PPP2R5B: variants seen among roughly 807,000 people sequenced by gnomAD.
The protein encoded by PPP2R5B is protein phosphatase 2 regulatory subunit B'beta.
PPP2R5B carries 19 observed loss-of-function variants against 59.9 expected under a neutral mutation model. The observed-to-expected ratio is 0.32, with a 90% CI of 0.22 to 0.47. The LOEUF (loss-of-function observed/expected upper bound fraction) is 0.47. Among genes scored for constraint, PPP2R5B ranks in the 20% least tolerant of loss-of-function variants. The pLI, the probability that PPP2R5B is intolerant of heterozygous loss-of-function variation, is 1.00. For missense variants in PPP2R5B, 441 were observed against 640.2 expected, an observed-to-expected ratio of 0.69 and a Z score of 3.36; for synonymous variants, 286 against 260.5, an observed-to-expected ratio of 1.10 and a Z score of -0.94.
chr11:64,930,633 G>A lies in PPP2R5B; in HGVS notation c.891+44G>A, dbSNP rs370655805. The stretch of plus-strand genomic sequence containing the variant: ...CCTGCTGCAGCAGGAGCTCCAGACA[G>A]TCAGGGCAGCCAGTGGGTCCTGGAG... On this transcript the variant is annotated intron_variant, in intron 8 of 13. Coordinates refer to ENST00000164133, the MANE Select transcript of PPP2R5B (RefSeq NM_006244.4). The A allele has an allele frequency of 1.9e-6, 3 of 1,548,152 alleles. No homozygotes were observed. The African/African-American group carries it at 4.1e-5, about 21-fold the overall frequency.
chr11:64,926,990 GAGAA>G (rs1945172086), intron 3 of PPP2R5B, 82 bp downstream of exon 3: 27 of 1,490,136 alleles, frequency 1.8e-5, no homozygotes, highest in Non-Finnish European at 2.4e-5. Context: ...CCCCTGCGTG[GAGAA>G]TAACCCTGTA....
In PPP2R5B at chr11:64,931,570, G is replaced by A. The variant is rs111449778; in HGVS notation, c.957G>A (p.Gly319=). The A allele has an allele frequency of 4.0e-4, 639 of 1,614,020 alleles. 3 individuals carry two copies. In the African/African-American group the frequency reaches 7.6e-3, roughly 19 times the overall value. ...CTCATCTCCCACAGGTGATCCGGGG[G>A]CTGCTCAAATACTGGCCAAAAACCT... ...DATLTEHVIR[G]LLKYWPKTCT... is the part of the protein sequence containing the mutation. Residue 319 remains glycine (G), a synonymous_variant, in exon 10 of 14, where the codon GGG becomes GGA. Coordinates refer to ENST00000164133, the MANE Select transcript of PPP2R5B (RefSeq NM_006244.4). The surrounding 1 kb of genome is among the most constrained non-coding windows in gnomAD (Gnocchi z 5.0).
At position 64,925,617 on chromosome 11, in the gene PPP2R5B, C is replaced by CT. The variant is rs1945152189; in HGVS notation, c.-118_-117insT. ...GGGGGCCCAGGACTGTGGTTGTGCC[C>CT]CCCCCCCAAAGGCCGGACAGGATGG... On this transcript the variant is annotated 5_prime_UTR_variant, in exon 2 of 14. Transcript: ENST00000164133. This position sits in a 1 kb window ranked among gnomAD's most constrained non-coding sequence, Gnocchi z 4.6. The CT allele has an allele frequency of 1.8e-6, 1 of 551,740 alleles. No individual in the cohort carries two copies. The highest frequency in any genetic ancestry group is 3.1e-5 in the Admixed American group (1 of 31,970). The allele number at this position is 551,740 out of a possible 1,614,324, so 34.2% of individuals were successfully genotyped here. A position where few individuals can be genotyped will look rare whatever the true frequency, so the allele number is the denominator to read the frequency against.
chr11:64,925,654 T>A lies in PPP2R5B; in HGVS notation c.-81T>A, dbSNP rs546074638. ...GCCGGACAGGATGGGACCAAGTTAG[T>A]CTGTCCAGTCTCACCCAGCACCTCC... is the stretch of plus-strand genomic sequence containing the variant. On this transcript the variant is annotated 5_prime_UTR_variant, in exon 2 of 14. Transcript: ENST00000164133. This position sits in a 1 kb window ranked among gnomAD's most constrained non-coding sequence, Gnocchi z 4.6. 3.3e-5 allele frequency: 19 copies of A among 570,478 alleles called. No homozygotes were observed. The South Asian group carries it at 3.3e-4, about 10-fold the overall frequency. 35.3% of individuals were successfully genotyped at this position (570,478 alleles called of 1,614,324 possible). A position where few individuals can be genotyped will look rare whatever the true frequency, so the allele number is the denominator to read the frequency against.
intron 2 of PPP2R5B, 129 bp downstream of exon 2, chr11:64,926,062 C>A (rs546135509): frequency 4.1e-6 from 4 of 974,664 alleles, no homozygotes; most frequent in Non-Finnish European, 6.0e-6. Context: ...CTAGGTTCTC[C>A]GCCATCAGAA....
chr11:64,925,529 G>C lies in PPP2R5B; in HGVS notation c.-206G>C, dbSNP rs1945150084. 2 of 550,020 alleles carry C rather than the reference G, an allele frequency of 3.6e-6. No homozygotes were observed. The highest frequency in any genetic ancestry group is 3.4e-5 in the Admixed American group (1 of 29,594). The allele number at this position is 550,020 out of a possible 1,614,324, so 34.1% of individuals were successfully genotyped here. Reference sequence around the variant, plus strand: ...GACCCCCAGGAAGGATCTGAGGCCTGAGCCATCCTCCTTTCTACCCTGTCT... The same window carrying C: ...GACCCCCAGGAAGGATCTGAGGCCTCAGCCATCCTCCTTTCTACCCTGTCT... On this transcript the variant is annotated 5_prime_UTR_variant, in exon 2 of 14. Transcript: ENST00000164133. This position sits in a 1 kb window ranked among gnomAD's most constrained non-coding sequence, Gnocchi z 4.6.
chr11:64,925,010 A>C lies in PPP2R5B; in HGVS notation c.-283A>C, dbSNP rs887893079. The C allele has an allele frequency of 6.6e-6, 1 of 152,182 alleles. No homozygotes were observed. Among genetic ancestry groups the C allele is most frequent in the Non-Finnish European group, 1.5e-5 (1 of 68,044 alleles). 9.4% of individuals were successfully genotyped at this position (152,182 alleles called of 1,614,324 possible). On this transcript the variant is annotated 5_prime_UTR_variant, in exon 1 of 14. Transcript: ENST00000164133. The surrounding 1 kb of genome is among the most constrained non-coding windows in gnomAD (Gnocchi z 4.6). ...GGCAGCCCCCGGGGGTTGGCGACCG[A>C]AGTCTAGGTTTTCGAGAAGTGAGTG...
Position 64,925,970 on chromosome 11 carries a change from C to T in PPP2R5B, c.199+37C>T. The T allele has an allele frequency of 6.3e-7, 1 of 1,587,906 alleles. No individual in the cohort carries two copies. The highest frequency in any genetic ancestry group is 8.6e-7 in the Non-Finnish European group (1 of 1,165,476). On this transcript the variant is annotated intron_variant, in intron 2 of 13. Transcript: ENST00000164133. This position sits in a 1 kb window ranked among gnomAD's most constrained non-coding sequence, Gnocchi z 4.6. ...GCTGGCCACTGGGGGAACCGAACCCCCGAGGGGACCAGCAGGGCCATGGGG... is the reference window on the plus strand; with the variant it reads ...GCTGGCCACTGGGGGAACCGAACCCTCGAGGGGACCAGCAGGGCCATGGGG...
chr11:64,931,043 T>TA lies in PPP2R5B; in HGVS notation c.892-385dup, dbSNP rs983509833. 1.4e-4 allele frequency among the ~76,000 whole-genome samples: 21 copies of TA among 152,002 alleles called. No homozygotes were observed. The highest frequency in any genetic ancestry group is 4.4e-4 in the African/African-American group (18 of 41,356). On this transcript the variant is annotated intron_variant, in intron 8 of 13. Transcript: ENST00000164133. The surrounding 1 kb of genome is among the most constrained non-coding windows in gnomAD (Gnocchi z 5.0). Reference sequence around the variant, plus strand: ...TGTATGTGCCACATGCCTGGCTAATTAAAAAAAATTTTTTTTTTGTAGAGA... The same window carrying TA: ...TGTATGTGCCACATGCCTGGCTAATTAAAAAAAAATTTTTTTTTTGTAGAGA...
intron 1 of PPP2R5B, among the ~76,000 whole-genome samples, chr11:64,919,671 G>A (rs1021219446): frequency 6.6e-6 from 1 of 152,064 alleles, no homozygotes; most frequent in Non-Finnish European, 1.5e-5. Flanking sequence ...GTGAAGCTAT[G>A]AATGCACCAC....
chr11:64,930,998 C>T (rs920613947), intron 8 of PPP2R5B, among the ~76,000 whole-genome samples: 9 of 152,020 alleles, frequency 5.9e-5, no homozygotes, highest in East Asian at 5.8e-4. Flanking sequence ...CTCAGCCTCC[C>T]GAGTAGCTGG....
intron 12 of PPP2R5B, 42 bp from the exon 13 acceptor site, chr11:64,933,103 C>A (rs1945245274): frequency 1.3e-6 from 2 of 1,557,472 alleles, no homozygotes; most frequent in Non-Finnish European, 1.8e-6. Context: ...GTGGGCAAAC[C>A]AAAGCTGTTT....
Position 64,930,559 on chromosome 11 carries a change from T to C in PPP2R5B, c.861T>C (p.Ser287=), listed in dbSNP as rs749022014. ...TTCGCGTCCTGATCCCCCTGCACTC[T>C]GTCAAGTCGCTGTCTGTCTTCCATG... ...FLVRVLIPLH[S]VKSLSVFHAQ... The change falls in exon 8 of 14, where the codon TCT becomes TCC. Residue 287 remains serine, a synonymous_variant. Transcript: ENST00000164133. 6 of 1,614,176 alleles carry C rather than the reference T, an allele frequency of 3.7e-6. No individual in the cohort carries two copies. The highest frequency in any genetic ancestry group is 4.2e-6 in the Non-Finnish European group (5 of 1,180,018).
rs772235916 is a variant in PPP2R5B at position 64,930,305 on chromosome 11, G to T, written c.723-17G>T. ...TACCCTGCTTGCTTTGAGCCCACCT[G>T]CGTTCTTCTCTTGCAGGTTCATCTA... is the stretch of plus-strand genomic sequence containing the variant. On this transcript the variant is annotated splice_polypyrimidine_tract_variant and intron_variant, in intron 6 of 13. Transcript: ENST00000164133. 1 of 1,613,912 alleles carries T rather than the reference G, an allele frequency of 6.2e-7. No individual in the cohort carries two copies. Among genetic ancestry groups the T allele is most frequent in the Non-Finnish European group, 8.5e-7 (1 of 1,179,940 alleles).
At chr11:64,919,483 A>G (rs763742418) in intron 1 of PPP2R5B, among the ~76,000 whole-genome samples, 8 of 152,128 alleles carry the variant, frequency 5.3e-5, no homozygotes, top group Non-Finnish European at 8.8e-5. Context: ...TCACTCCTGT[A>G]ATCCCAGCAC....
chr11:64,927,144 C>T (rs1945174732), intron 3 of PPP2R5B, among the ~76,000 whole-genome samples: 1 of 152,190 alleles, frequency 6.6e-6, no homozygotes, highest in Admixed American at 6.5e-5. Flanking sequence ...TGCCCCACAC[C>T]CCATACCATC....
chr11:64,924,676 G>T (rs1945139564), upstream of PPP2R5B: 2 of 152,310 alleles, frequency 1.3e-5, no homozygotes, highest in East Asian at 1.9e-4. Context: ...GGCCGGGTGG[G>T]GGGAGGTGAC....
chr11:64,922,428 C>T (rs1945117988), upstream of PPP2R5B, among the ~76,000 whole-genome samples: 13 of 151,892 alleles, frequency 8.6e-5, no homozygotes, highest in Admixed American at 8.5e-4. Context: ...GAGGTTGCAG[C>T]AGTGAGCTGA....
chr11:64,925,776 CTCCTCCCCCGGGCTGTCGCCTGTG>C lies in PPP2R5B; in HGVS notation c.43_66del (p.Ser15_Val22del). ...CCCCTGCAAGCACCCCCACTAGCCC[CTCCTCCCCCGGGCTGTCGCCTGTG>C]CCCCCACCCGACAAGGTGGACGGCT... On this transcript the variant is annotated inframe_deletion, in exon 2 of 14. Transcript: ENST00000164133. The surrounding 1 kb of genome is among the most constrained non-coding windows in gnomAD (Gnocchi z 4.6). The C allele has an allele frequency of 6.3e-7, 1 of 1,589,512 alleles. No homozygotes were observed. Among genetic ancestry groups the C allele is most frequent in the African/African-American group, 1.3e-5 (1 of 74,614 alleles).
Sources: allele counts gnomAD v4.1 joint callset (sites outside exome capture counted in the v4.1 genomes callset), GRCh38; gene constraint gnomAD v4.1.1; non-coding constraint Gnocchi (gnomAD v3.1); transcripts MANE v1.5; gene names NCBI Gene and HGNC (gene_info 2026-07-23, HGNC 2026-07-21).